RTTN: variants seen among roughly 807,000 people sequenced by gnomAD.
RTTN encodes rotatin.
Under a neutral mutation model 269.2 loss-of-function variants are expected in RTTN, and 182 were observed. The ratio of observed to expected loss-of-function variants is 0.68; its 90% CI spans 0.60 to 0.76. The LOEUF (loss-of-function observed/expected upper bound fraction) is 0.76. Among genes scored for constraint, RTTN ranks in the 30% least tolerant of loss-of-function variants. The pLI is 0.00. For missense variants in RTTN, 2,545 were observed against 2,608.6 expected (o/e 0.98, Z 0.53); for synonymous variants, 1,006 against 963.5 (o/e 1.04, Z -0.82).
chr18:70,127,905 T>C (rs1385941588), intron 24 of RTTN, 164 bp from the exon 25 acceptor site: 2 of 638,166 alleles, frequency 3.1e-6, no homozygotes, highest in Non-Finnish European at 5.3e-6. Flanking sequence ...TCTGTCAATA[T>C]TAGGATTTTA....
chr18:70,043,761 A>T (rs1408838519), intron 40 of RTTN, among the ~76,000 whole-genome samples: 1 of 152,236 alleles, frequency 6.6e-6, no homozygotes, highest in Non-Finnish European at 1.5e-5. Context: ...TCTATGGTAA[A>T]TTCATATACT....
At position 70,127,773 on chromosome 18, in the gene RTTN, C is replaced by G. The variant is rs766249821; in HGVS notation, c.3144-32G>C. ...AAAAAGAAAAAAAATGAAGGAGGAA[C>G]ATAAAGCTATTTAAATAAAAGCTCA... On this transcript the variant is annotated intron_variant, in intron 24 of 48. Transcript: ENST00000640769. The G allele has an allele frequency of 4.5e-6, 7 of 1,557,470 alleles. No homozygotes were observed. The Admixed American group carries it at 1.2e-4, about 27-fold the overall frequency.
At chr18:70,017,060 T>C (rs1423577222) in intron 46 of RTTN, among the ~76,000 whole-genome samples, 1 of 152,098 alleles carries the variant, frequency 6.6e-6, no homozygotes, top group Non-Finnish European at 1.5e-5. Context: ...ATTGACATAG[T>C]AGCATTTGCT....
At chr18:70,041,816 T>A (rs1245191169) in intron 40 of RTTN, among the ~76,000 whole-genome samples, 1 of 151,940 alleles carries the variant, frequency 6.6e-6, no homozygotes, top group Non-Finnish European at 1.5e-5. Flanking sequence ...TCAGCTGTCG[T>A]CTCCTACTTG....
intron 26 of RTTN, among the ~76,000 whole-genome samples, chr18:70,116,474 C>A (rs903640598): frequency 2.0e-5 from 3 of 152,002 alleles, no homozygotes; most frequent in South Asian, 4.1e-4. Flanking sequence ...ATTCAGTGAA[C>A]CTCAGCAATA....
At chr18:70,174,792 G>A (rs931692843) in intron 11 of RTTN, among the ~76,000 whole-genome samples, 13 of 151,600 alleles carry the variant, frequency 8.6e-5, no homozygotes, top group Non-Finnish European at 1.5e-4. Flanking sequence ...AGGCCGAGGC[G>A]GGCACATCAC....
chr18:70,012,090 A>G (rs12961728), intron 46 of RTTN, among the ~76,000 whole-genome samples: 4,714 of 29,242 alleles, frequency 0.16, 1,661 homozygotes, highest in East Asian at 0.54. Flanking sequence ...ACAGGGCAGC[A>G]TCTGCTCACT....
chr18:70,092,053 C>T, intron 30 of RTTN, 57 bp downstream of exon 30: 1 of 1,120,928 alleles, frequency 8.9e-7, no homozygotes, highest in Non-Finnish European at 1.3e-6. Context: ...GCACCTGGCC[C>T]CGTGTCATTT....
chr18:70,071,471 C>T (rs2058292936), intron 34 of RTTN, among the ~76,000 whole-genome samples: 2 of 152,160 alleles, frequency 1.3e-5, no homozygotes, highest in African/African-American at 2.4e-5. Context: ...TGTTGCTGCA[C>T]ACAGGTGTGT....
rs759515830 is a variant in RTTN at position 70,020,750 on chromosome 18, C to T, written c.6018G>A (p.Val2006=). ...GGATACACAGCATCAGAGAGTTGCT[C>T]ACGGCTCCTCTATGTGTAGCTTGAA... ...HPVQATHRGA[V]SNSLMLCILK... is the part of the protein sequence containing the mutation. The change falls in exon 45 of 49, where the codon GTG becomes GTA. Residue 2006 remains valine, a synonymous_variant. Transcript: ENST00000640769. The T allele has an allele frequency of 3.1e-6, 5 of 1,614,042 alleles. No homozygotes were observed. Among genetic ancestry groups the T allele is most frequent in the Non-Finnish European group, 4.2e-6 (5 of 1,179,926 alleles).
At chr18:70,167,141 T>C in intron 12 of RTTN, 110 bp from the exon 13 acceptor site, 1 of 661,592 alleles carries the variant, frequency 1.5e-6, no homozygotes, top group Middle Eastern at 2.4e-4. Context: ...ACCATGAGAC[T>C]GTTTACATTT....
At chr18:70,124,565 T>A (rs943789249) in intron 25 of RTTN, among the ~76,000 whole-genome samples, 1 of 152,030 alleles carries the variant, frequency 6.6e-6, no homozygotes, top group Non-Finnish European at 1.5e-5. Flanking sequence ...CAGAAGTGTA[T>A]GCCCTAAAAT....
chr18:70,059,719 A>G, intron 36 of RTTN, 131 bp downstream of exon 36: 1 of 551,520 alleles, frequency 1.8e-6, no homozygotes, highest in East Asian at 3.2e-5. Context: ...GCAAAATCCT[A>G]GAGTTCAATG....
At chr18:70,082,529 A>G (rs2058596750) in intron 32 of RTTN, among the ~76,000 whole-genome samples, 1 of 152,194 alleles carries the variant, frequency 6.6e-6, no homozygotes, top group East Asian at 1.9e-4. Flanking sequence ...CTAGTCTTCA[A>G]ACTAAACCCA....
chr18:70,098,086 T>C (rs1568374330), intron 28 of RTTN, among the ~76,000 whole-genome samples: 1 of 152,178 alleles, frequency 6.6e-6, no homozygotes, highest in Non-Finnish European at 1.5e-5. Flanking sequence ...ATAGGTTCAA[T>C]TATATATTTT....
rs151258586 is a variant in RTTN, at chr18:70,088,393, A to G, written c.4144-246T>C. Among the ~76,000 whole-genome samples the G allele has an allele frequency of 3.3e-5, 5 of 152,328 alleles. 1 individual carries two copies. Among genetic ancestry groups the G allele is most frequent in the African/African-American group, 7.2e-5 (3 of 41,574 alleles). ...AAAACTGGGTATAAAAAGATGCATA[A>G]AAATTATAGTTTGCAAGCCTTTTTC... On this transcript the variant is annotated intron_variant, in intron 30 of 48. Transcript: ENST00000640769.
At chr18:70,018,607 T>G (rs2145508251) in intron 45 of RTTN, among the ~76,000 whole-genome samples, 1 of 152,254 alleles carries the variant, frequency 6.6e-6, no homozygotes, top group Non-Finnish European at 1.5e-5. Context: ...GGACTCTGAG[T>G]GTTAAGAATG....
chr18:70,193,230 A>C, intron 8 of RTTN, 58 bp downstream of exon 8: 1 of 1,441,868 alleles, frequency 6.9e-7, no homozygotes, highest in Non-Finnish European at 9.4e-7. Context: ...TCTGAAATTA[A>C]CACACACACA....
intron 17 of RTTN, among the ~76,000 whole-genome samples, chr18:70,147,560 CTA>C (rs2060427464): frequency 6.6e-6 from 1 of 152,080 alleles, no homozygotes; most frequent in Admixed American, 6.6e-5. Flanking sequence ...ATAAGGTACG[CTA>C]TGAAGTTCTG....
Sources: allele counts gnomAD v4.1 joint callset (sites outside exome capture counted in the v4.1 genomes callset), GRCh38; gene constraint gnomAD v4.1.1; transcripts MANE v1.5; gene names NCBI Gene and HGNC (gene_info 2026-07-23, HGNC 2026-07-21).